The following GPC6 variants were observed in gnomAD, a reference collection of about 807,000 sequenced individuals.
GPC6 encodes glypican-6.
Under a neutral mutation model 55.2 loss-of-function variants are expected in GPC6, and 14 were observed. That is an observed-to-expected ratio of 0.25 (90% CI 0.17 to 0.40). The LOEUF is 0.40. Among genes scored for constraint, GPC6 ranks in the 10% least tolerant of loss-of-function variants. The pLI is 1.00. For synonymous variants in GPC6, 278 were observed against 259.6 expected, an observed-to-expected ratio of 1.07 and a Z score of -0.68; for missense variants, 641 against 708.5, an observed-to-expected ratio of 0.90 and a Z score of 1.08.
chr13:93,513,046 G>T (rs1319067700), intron 1 of GPC6, among the ~76,000 whole-genome samples: 1 of 152,114 alleles, frequency 6.6e-6, no homozygotes, highest in East Asian at 1.9e-4. Context: ...ACTTGACTTT[G>T]TTAGCTATTG....
intron 3 of GPC6, among the ~76,000 whole-genome samples, chr13:93,984,991 G>T (rs976086822): frequency 6.6e-6 from 1 of 152,156 alleles, no homozygotes; most frequent in African/African-American, 2.4e-5. Flanking sequence ...ACTAAGCCCT[G>T]CAGTGAACAG....
intron 2 of GPC6, among the ~76,000 whole-genome samples, chr13:93,655,443 G>A (rs1228414562): frequency 1.3e-5 from 2 of 152,070 alleles, no homozygotes; most frequent in Non-Finnish European, 2.9e-5. Context: ...ATGCCAAACT[G>A]CTCCTTTGAT....
rs183321407 is a variant in GPC6 at position 93,923,902 on chromosome 13, T to C, written c.711+93357T>C. ...ACTCATGATCTATCCTCCTTACTTA[T>C]TATTCAGCTTCTTATTTGTGTATAA... is the stretch of plus-strand genomic sequence containing the variant. On this transcript the variant is annotated intron_variant, in intron 3 of 8. Coordinates refer to ENST00000377047, the MANE Select transcript of GPC6 (RefSeq NM_005708.5). Among the ~76,000 whole-genome samples the C allele has an allele frequency of 4.6e-4, 70 of 152,308 alleles. 1 individual carries two copies. In the East Asian group the frequency reaches 0.012, roughly 25 times the overall value.
intron 2 of GPC6, among the ~76,000 whole-genome samples, chr13:93,747,972 C>T (rs1480846683): frequency 2.0e-5 from 3 of 152,010 alleles, no homozygotes; most frequent in African/African-American, 7.2e-5. Context: ...GTGCCTGGCT[C>T]ATAGTATGAC....
At chr13:93,885,956 C>A (rs191854980) in intron 3 of GPC6, among the ~76,000 whole-genome samples, 2 of 151,896 alleles carry the variant, frequency 1.3e-5, no homozygotes, top group African/African-American at 4.8e-5. Flanking sequence ...TGCTTTTAGT[C>A]GTGAGAAAAT....
chr13:93,753,329 C>CTG (rs997229418), intron 2 of GPC6, among the ~76,000 whole-genome samples: 1 of 152,124 alleles, frequency 6.6e-6, no homozygotes, highest in East Asian at 1.9e-4. Context: ...GTATGTATGT[C>CTG]TGTGTGTGTG....
chr13:93,426,585 G>A (rs1331353655), intron 1 of GPC6, among the ~76,000 whole-genome samples: 2 of 151,694 alleles, frequency 1.3e-5, no homozygotes, highest in Non-Finnish European at 2.9e-5. Context: ...TTTTATGGCT[G>A]CATAGTATTC....
At chr13:93,672,297 T>C (rs1881393628) in intron 2 of GPC6, among the ~76,000 whole-genome samples, 1 of 151,854 alleles carries the variant, frequency 6.6e-6, no homozygotes, top group Admixed American at 6.6e-5. Flanking sequence ...TTGCAGCTCA[T>C]ATTTGGATAT....
At chr13:94,318,229 A>T (rs9589950) in intron 6 of GPC6, among the ~76,000 whole-genome samples, 7 of 151,896 alleles carry the variant, frequency 4.6e-5, no homozygotes, top group Non-Finnish European at 8.8e-5. Flanking sequence ...AATTACTGAA[A>T]GAGAGATTTT....
At chr13:93,534,533 C>T (rs962470691) in intron 1 of GPC6, among the ~76,000 whole-genome samples, 7 of 152,276 alleles carry the variant, frequency 4.6e-5, no homozygotes, top group Middle Eastern at 3.4e-3. Context: ...CTCCTCTTTC[C>T]CACCACGCCA....
chr13:93,721,243 G>T (rs1883445656), intron 2 of GPC6, among the ~76,000 whole-genome samples: 1 of 151,962 alleles, frequency 6.6e-6, no homozygotes, highest in African/African-American at 2.4e-5. Flanking sequence ...GAATCTGGGT[G>T]CTCCTGTATT....
chr13:93,806,351 A>T (rs1886541720), intron 2 of GPC6, among the ~76,000 whole-genome samples: 1 of 151,314 alleles, frequency 6.6e-6, no homozygotes, highest in Non-Finnish European at 1.5e-5. Flanking sequence ...TTTATTTTTT[A>T]TTTGAGATGG....
At chr13:93,733,883 T>C (rs896658559) in intron 2 of GPC6, among the ~76,000 whole-genome samples, 13 of 152,184 alleles carry the variant, frequency 8.5e-5, no homozygotes, top group African/African-American at 2.9e-4. Flanking sequence ...GGTGAGATGA[T>C]GGTGGATGTT....
intron 1 of GPC6, among the ~76,000 whole-genome samples, chr13:93,318,474 G>C (rs1007682172): frequency 1.3e-5 from 2 of 152,018 alleles, no homozygotes; most frequent in East Asian, 3.9e-4. Context: ...GTTCAACATG[G>C]TAACATGAGC....
At chr13:93,577,309 A>G (rs2139483324) in intron 2 of GPC6, among the ~76,000 whole-genome samples, 1 of 152,276 alleles carries the variant, frequency 6.6e-6, no homozygotes, top group East Asian at 1.9e-4. Context: ...GGAGTGGAAA[A>G]GGGAACATTC....
At chr13:93,724,614 G>T (rs984527265) in intron 2 of GPC6, among the ~76,000 whole-genome samples, 1 of 151,908 alleles carries the variant, frequency 6.6e-6, no homozygotes, top group African/African-American at 2.4e-5. Context: ...TTAGGTGATC[G>T]TTTTTTGGTG....
intron 3 of GPC6, among the ~76,000 whole-genome samples, chr13:93,941,305 G>C (rs1302519402): frequency 2.0e-5 from 3 of 152,190 alleles, no homozygotes; most frequent in African/African-American, 4.8e-5. Flanking sequence ...GGATGCAGCA[G>C]ATTTTTTTTC....
chr13:94,358,009 A>G (rs771707756), intron 6 of GPC6, among the ~76,000 whole-genome samples: 5 of 152,190 alleles, frequency 3.3e-5, no homozygotes, highest in Non-Finnish European at 7.3e-5. Flanking sequence ...CGATACAGCC[A>G]TTGCCATTGG....
intron 2 of GPC6, among the ~76,000 whole-genome samples, chr13:93,723,762 G>T (rs1883533621): frequency 6.6e-6 from 1 of 151,960 alleles, no homozygotes; most frequent in Non-Finnish European, 1.5e-5. Context: ...TTGAGTGTGG[G>T]TGTAGAGGAT....
Sources: allele counts gnomAD v4.1 joint callset (sites outside exome capture counted in the v4.1 genomes callset), GRCh38; gene constraint gnomAD v4.1.1; transcripts MANE v1.5; gene names NCBI Gene and HGNC (gene_info 2026-07-23, HGNC 2026-07-21).